The following DMD variants were observed in gnomAD, a reference collection of about 807,000 sequenced individuals.
DMD encodes the protein mutant dystrophin.
A neutral mutation model predicts 330.1 loss-of-function variants in DMD; 63 were observed. The ratio of observed to expected loss-of-function variants is 0.19; its 90% CI spans 0.16 to 0.24. The LOEUF (loss-of-function observed/expected upper bound fraction) is 0.24. DMD is among the 10% of genes least tolerant of loss of function. The probability of loss-of-function intolerance (pLI) is 1.00; values close to 1 mark genes in which losing one functional copy is unlikely to be tolerated. For missense variants in DMD, 3,344 were observed against 2,684.1 expected, an observed-to-expected ratio of 1.25 and a Z score of -5.43; for synonymous variants, 1,223 against 959.8, an observed-to-expected ratio of 1.27 and a Z score of -5.07.
intron 1 of DMD, among the ~76,000 whole-genome samples, chrX:33,098,237 T>A (rs2095195846): frequency 9.0e-6 from 1 of 111,690 alleles, no homozygotes; most frequent in Non-Finnish European, 1.9e-5. Flanking sequence ...TCAACACCTA[T>A]AATAGCTTTT....
intron 75 of DMD, 143 bp from the exon 76 acceptor site, chrX:31,146,557 A>G: frequency 1.7e-6 from 1 of 590,823 alleles, no homozygotes; most frequent in Non-Finnish European, 2.8e-6. Flanking sequence ...TTAATTTGGG[A>G]TATTTCACTG....
intron 55 of DMD, 54 bp downstream of exon 55, chrX:31,627,619 G>T: frequency 8.6e-7 from 1 of 1,158,075 alleles, no homozygotes; most frequent in African/African-American, 1.8e-5. Context: ...TACAAATGCT[G>T]AGAATTGTTC....
chrX:32,296,130 G>T (rs756655834), intron 42 of DMD, among the ~76,000 whole-genome samples: 1 of 112,176 alleles, frequency 8.9e-6, no homozygotes, highest in East Asian at 2.8e-4. Context: ...GGTGGCTCAC[G>T]CCTGTAATCC....
At chrX:31,659,166 C>T (rs73455974) in intron 53 of DMD, among the ~76,000 whole-genome samples, 32 of 111,888 alleles carry the variant, frequency 2.9e-4, no homozygotes, top group African/African-American at 9.1e-4. Flanking sequence ...AGCACATTCA[C>T]GTATTACTGC....
At chrX:31,278,317 G>T (rs899487685) in intron 62 of DMD, among the ~76,000 whole-genome samples, 1 of 111,719 alleles carries the variant, frequency 9.0e-6, no homozygotes, top group Non-Finnish European at 1.9e-5. Context: ...GTTGACGGAA[G>T]ACAGTTTGCA....
chrX:32,624,699 T>A lies in DMD; in HGVS notation c.1332-10246A>T, dbSNP rs186998781. Among the ~76,000 whole-genome samples, 177 of 111,789 alleles carry A rather than the reference T, an allele frequency of 1.6e-3. 2 individuals are homozygous for A. The highest frequency in any genetic ancestry group is 0.014 in the Middle Eastern group (3 of 218). ...TTAATCACATTTTAAGGAGCAATGG[T>A]ATAAGTCACTTTGAGTTGGCCTTTT... On this transcript the variant is annotated intron_variant, in intron 11 of 78. Transcript: ENST00000357033.
intron 64 of DMD, among the ~76,000 whole-genome samples, chrX:31,214,794 C>A (rs2045160323): frequency 9.1e-6 from 1 of 110,224 alleles, no homozygotes; most frequent in African/African-American, 3.3e-5. Context: ...GTTGAAACTT[C>A]ACAAGTTGGG....
chrX:31,941,528 C>G (rs1243163087), intron 45 of DMD, among the ~76,000 whole-genome samples: 1 of 111,500 alleles, frequency 9.0e-6, no homozygotes, highest in African/African-American at 3.3e-5. Context: ...GTCGCTGTCT[C>G]CTTCGCTCCT....
intron 2 of DMD, among the ~76,000 whole-genome samples, chrX:32,894,096 C>T (rs1250598165): frequency 9.0e-6 from 1 of 111,717 alleles, no homozygotes; most frequent in African/African-American, 3.3e-5. Flanking sequence ...CAGCCAAACC[C>T]CGCATGACCA....
intron 1 of DMD, among the ~76,000 whole-genome samples, chrX:33,138,846 A>C (rs2047650162): frequency 9.1e-6 from 1 of 110,376 alleles, no homozygotes; most frequent in African/African-American, 3.3e-5. Context: ...TTGTTCTTTG[A>C]TGTTTCGCAT....
chrX:31,353,598 T>TG (rs2058530247), intron 60 of DMD, among the ~76,000 whole-genome samples: 1 of 111,948 alleles, frequency 8.9e-6, no homozygotes, highest in African/African-American at 3.2e-5. Flanking sequence ...TAAGGAAGAC[T>TG]GGGAGAATGA....
chrX:31,639,124 T>G (rs2148493069), intron 54 of DMD, among the ~76,000 whole-genome samples: 1 of 112,009 alleles, frequency 8.9e-6, no homozygotes, highest in Non-Finnish European at 1.9e-5. Context: ...GCTATTTCAT[T>G]AATTCACAAA....
At chrX:32,305,806 C>T (rs1048395921) in intron 42 of DMD, among the ~76,000 whole-genome samples, 10 of 111,323 alleles carry the variant, frequency 9.0e-5, no homozygotes, top group Non-Finnish European at 1.5e-4. Flanking sequence ...TACCCTTCCA[C>T]TGGCTTGTTT....
chrX:32,165,883 T>C (rs1287098264), intron 44 of DMD, among the ~76,000 whole-genome samples: 2 of 110,906 alleles, frequency 1.8e-5, no homozygotes, highest in South Asian at 7.8e-4. Flanking sequence ...TCTGATGGTT[T>C]TATAAGGGTC....
In DMD at chrX:32,616,714, TTCTTTA is replaced by T. The variant is rs1383096384; in HGVS notation, c.1332-2267_1332-2262del. ...CCTTTTTTTTTTTTTTTTTTTTTTT[TTCTTTA>T]AAGAATGTTACTGAAACCCAAGATC... On this transcript the variant is annotated intron_variant, in intron 11 of 78. Transcript: ENST00000357033. Among the ~76,000 whole-genome samples the T allele has an allele frequency of 6.8e-3, 592 of 86,514 alleles. 12 individuals carry two copies. The highest frequency in any genetic ancestry group is 0.036 in the African/African-American group (552 of 15,276). 75.1% of individuals were successfully genotyped at this position (86,514 alleles called of 115,157 possible).
chrX:31,202,129 T>A (rs568638730), intron 67 of DMD, among the ~76,000 whole-genome samples: 3 of 111,166 alleles, frequency 2.7e-5, no homozygotes, highest in African/African-American at 9.8e-5. Flanking sequence ...GAGGTTGCAG[T>A]GAGCCGAGAT....
chrX:33,257,205 C>G (rs1417904675), intron 1 of DMD, among the ~76,000 whole-genome samples: 1 of 110,770 alleles, frequency 9.0e-6, no homozygotes, highest in African/African-American at 3.3e-5. Flanking sequence ...AAAAGAGAAA[C>G]AGAAACCCTT....
chrX:32,628,450 C>T (rs758352497), intron 11 of DMD, among the ~76,000 whole-genome samples: 39 of 105,476 alleles, frequency 3.7e-4, no homozygotes, highest in Non-Finnish European at 7.4e-4. Context: ...TTTTTGTCAA[C>T]CCTTTCAAAA....
intron 44 of DMD, among the ~76,000 whole-genome samples, chrX:32,154,909 T>A (rs756838918): frequency 1.5e-4 from 16 of 105,563 alleles, no homozygotes; most frequent in Non-Finnish European, 2.3e-4. Flanking sequence ...CCTGATGGAG[T>A]ATAGAAGAAA....
Sources: gnomAD v4.1 joint callset for allele counts (sites outside exome capture counted in the v4.1 genomes callset) on GRCh38, gnomAD v4.1.1 for gene constraint, MANE v1.5 for transcripts, NCBI Gene and HGNC (gene_info 2026-07-23, HGNC 2026-07-21) for gene names.